Variants in DCHS2 observed in about 807,000 individuals in gnomAD.
DCHS2 encodes the protein dachsous cadherin-related 2.
Under a neutral mutation model 182.4 loss-of-function variants are expected in DCHS2, and 142 were observed. The ratio of observed to expected loss-of-function variants is 0.78; its 90% CI spans 0.68 to 0.89. The LOEUF is 0.89. Ranked by LOEUF, DCHS2 falls within the 40% of genes least tolerant of loss-of-function variation. The pLI is 0.00. For synonymous variants in DCHS2, 1,740 were observed against 1,663.3 expected (o/e 1.05, Z -1.12); for missense variants, 4,319 against 4,198.6 (o/e 1.03, Z -0.79).
rs1340599826 is a variant in DCHS2, at chr4:154,329,582, T to C, written c.3859A>G (p.Ile1287Val). The C allele has an allele frequency of 6.2e-7, 1 of 1,613,638 alleles. No individual in the cohort carries two copies. The highest frequency in any genetic ancestry group is 2.2e-5 in the East Asian group (1 of 44,882). ...TMAVYVSVTD[I>V]NDNRPFFPQC... is the part of the protein sequence containing the mutation. ...GGGAAGAAGGGCCTGTTATCATTGATGTCAGTAACTGAGACGTAAACCGCC... is the reference window on the plus strand; with the variant it reads ...GGGAAGAAGGGCCTGTTATCATTGACGTCAGTAACTGAGACGTAAACCGCC... Residue 1287 changes from isoleucine (I) to valine (V), a missense_variant, in exon 6 of 20, where the codon ATC becomes GTC. Transcript: ENST00000357232.
At chr4:154,488,902 CTGTGTGTGTGT>C in intron 1 of DCHS2, among the ~76,000 whole-genome samples, 1 of 62,254 alleles carries the variant, frequency 1.6e-5, no homozygotes, top group East Asian at 5.0e-3. Context: ...GTGTGTGTGT[CTGTGTGTGTGT>C]GTGTGTGTGT....
At chr4:154,263,618 A>C (rs1430219685) in intron 14 of DCHS2, among the ~76,000 whole-genome samples, 11 of 151,982 alleles carry the variant, frequency 7.2e-5, no homozygotes, top group Non-Finnish European at 1.2e-4. Flanking sequence ...TGAAGGGGCT[A>C]ATAGGAAAAA....
intron 8 of DCHS2, among the ~76,000 whole-genome samples, chr4:154,322,067 G>A (rs1736080638): frequency 6.6e-6 from 1 of 152,062 alleles, no homozygotes; most frequent in African/African-American, 2.4e-5. Context: ...TATAAACAAA[G>A]CAACATAAAT....
intron 10 of DCHS2, among the ~76,000 whole-genome samples, chr4:154,312,148 T>C (rs78898164): frequency 0.031 from 4,757 of 152,250 alleles, 267 homozygotes; most frequent in African/African-American, 0.11. Flanking sequence ...AAATGTTCCA[T>C]AGCTTTGGAT....
At chr4:154,270,050 T>TA in intron 13 of DCHS2, 37 bp from the exon 14 acceptor site, 2 of 1,562,292 alleles carry the variant, frequency 1.3e-6, no homozygotes, top group South Asian at 1.2e-5. Flanking sequence ...TCCATTAGGA[T>TA]AAAAAAATTT....
At chr4:154,389,670 G>T (rs971194248) in intron 1 of DCHS2, among the ~76,000 whole-genome samples, 7 of 151,464 alleles carry the variant, frequency 4.6e-5, no homozygotes, top group Non-Finnish European at 1.0e-4. Flanking sequence ...ACAGAAAATG[G>T]ATTTATTACA....
At chr4:154,315,691 T>G in intron 10 of DCHS2, 57 bp downstream of exon 10, 2 of 1,577,940 alleles carry the variant, frequency 1.3e-6, no homozygotes, top group South Asian at 1.2e-5. Context: ...TTACGTCAAT[T>G]ATAATCTTCA....
chr4:154,475,230 A>C (rs1002490440), intron 1 of DCHS2, among the ~76,000 whole-genome samples: 1 of 152,182 alleles, frequency 6.6e-6, no homozygotes, highest in African/African-American at 2.4e-5. Context: ...AATATATCAA[A>C]CCCAACAAAA....
chr4:154,332,199 C>T (rs1273427140), intron 5 of DCHS2, among the ~76,000 whole-genome samples: 3 of 152,140 alleles, frequency 2.0e-5, no homozygotes, highest in Non-Finnish European at 4.4e-5. Flanking sequence ...CATATATTGG[C>T]AAGATGGGGA....
intron 8 of DCHS2, 47 bp from the exon 9 acceptor site, chr4:154,321,269 A>G (rs759269346): frequency 7.0e-7 from 1 of 1,426,358 alleles, no homozygotes; most frequent in East Asian, 2.4e-5. Context: ...TTTTTAAAAC[A>G]GTTTAATGAA....
chr4:154,285,332 T>C (rs1418848474), intron 13 of DCHS2, among the ~76,000 whole-genome samples: 1 of 151,934 alleles, frequency 6.6e-6, no homozygotes, highest in Non-Finnish European at 1.5e-5. Flanking sequence ...AGAGACCCTT[T>C]CTGCTAGAGA....
chr4:154,340,435 A>G (rs1317165392), intron 3 of DCHS2, among the ~76,000 whole-genome samples: 1 of 152,232 alleles, frequency 6.6e-6, no homozygotes, highest in Non-Finnish European at 1.5e-5. Flanking sequence ...ATTAATATCT[A>G]TACTATATTC....
chr4:154,372,233 G>C (rs1579018282), intron 2 of DCHS2, among the ~76,000 whole-genome samples: 1 of 152,272 alleles, frequency 6.6e-6, no homozygotes. Context: ...AGAACAGGTG[G>C]AGGGTGCTAA....
At chr4:154,276,861 TC>T (rs1260727312) in intron 13 of DCHS2, among the ~76,000 whole-genome samples, 1 of 152,184 alleles carries the variant, frequency 6.6e-6, no homozygotes, top group African/African-American at 2.4e-5. Flanking sequence ...TTGCATTTAA[TC>T]CCCAGTGGAC....
intron 14 of DCHS2, 29 bp from the exon 15 acceptor site, chr4:154,259,785 G>GA (rs1732888218): frequency 6.4e-7 from 1 of 1,572,190 alleles, no homozygotes; most frequent in South Asian, 1.2e-5. Context: ...AGAAAAAAAA[G>GA]AAAATGATGT....
intron 1 of DCHS2, among the ~76,000 whole-genome samples, chr4:154,446,762 T>C (rs1399300002): frequency 6.6e-6 from 1 of 152,136 alleles, no homozygotes; most frequent in East Asian, 1.9e-4. Context: ...TAAAGCAAGT[T>C]ACTGGCTAGA....
At chr4:154,244,103 C>T (rs145507072) in intron 16 of DCHS2, among the ~76,000 whole-genome samples, 72 of 152,294 alleles carry the variant, frequency 4.7e-4, no homozygotes, top group African/African-American at 1.6e-3. Context: ...TTTATGTATT[C>T]GCATAGCACC....
intron 13 of DCHS2, among the ~76,000 whole-genome samples, chr4:154,295,588 A>G (rs1734886106): frequency 6.6e-6 from 1 of 152,226 alleles, no homozygotes; most frequent in African/African-American, 2.4e-5. Context: ...TTGTAATATA[A>G]TTGTTATGTA....
At chr4:154,374,105 G>T in intron 2 of DCHS2, 1 of 641,160 alleles carries the variant, frequency 1.6e-6, no homozygotes, top group Non-Finnish European at 2.6e-6. Context: ...ATGCACTTCT[G>T]GAGCACTGTG....
Sources: gnomAD v4.1 joint callset for allele counts (sites outside exome capture counted in the v4.1 genomes callset) on GRCh38, gnomAD v4.1.1 for gene constraint, MANE v1.5 for transcripts, NCBI Gene and HGNC (gene_info 2026-07-23, HGNC 2026-07-21) for gene names.